Variants in PLD5 observed in about 807,000 individuals in gnomAD.
PLD5 encodes phospholipase D family member 5.
Under a neutral mutation model 61.1 loss-of-function variants are expected in PLD5, and 36 were observed. The observed-to-expected ratio is 0.59, with a 90% CI of 0.45 to 0.78. PLD5 has a LOEUF of 0.78. Among genes scored for constraint, PLD5 ranks in the 30% least tolerant of loss-of-function variants. The pLI is 0.00. For missense variants in PLD5, 515 were observed against 644.4 expected (o/e 0.80, Z 2.17); for synonymous variants, 243 against 242.8 (o/e 1.00, Z -0.01).
intron 1 of PLD5, among the ~76,000 whole-genome samples, chr1:242,476,752 C>T (rs72765051): frequency 0.082 from 12,489 of 152,172 alleles, 721 homozygotes; most frequent in African/African-American, 0.16. Flanking sequence ...CCTTTCTGTT[C>T]TTCTCCCACC....
chr1:242,174,827 C>G (rs1667012853), intron 5 of PLD5, among the ~76,000 whole-genome samples: 1 of 151,964 alleles, frequency 6.6e-6, no homozygotes, highest in African/African-American at 2.4e-5. Flanking sequence ...CATGTTCTCA[C>G]TCATAGGTGG....
chr1:242,236,123 C>T (rs1671624884), intron 4 of PLD5, among the ~76,000 whole-genome samples: 1 of 152,178 alleles, frequency 6.6e-6, no homozygotes. Context: ...CCTTCCACCA[C>T]ACAAGGACAC....
At chr1:242,210,282 T>C (rs1236585672) in intron 5 of PLD5, 1 of 152,200 alleles carries the variant, frequency 6.6e-6, no homozygotes, top group Non-Finnish European at 1.5e-5. Context: ...CTTGCTGACA[T>C]GAGAAAGTTT....
At chr1:242,483,155 G>A (rs1302562955) in intron 1 of PLD5, among the ~76,000 whole-genome samples, 2 of 152,180 alleles carry the variant, frequency 1.3e-5, no homozygotes, top group Non-Finnish European at 2.9e-5. Flanking sequence ...ATCAACTAAC[G>A]AGCAAAACAA....
chr1:242,471,537 T>C (rs1026675533), intron 1 of PLD5, among the ~76,000 whole-genome samples: 16 of 152,088 alleles, frequency 1.1e-4, no homozygotes, highest in Admixed American at 6.6e-5. Context: ...CTTCTATATC[T>C]AGTACTGTAA....
At chr1:242,295,338 C>A (rs770800370) in intron 2 of PLD5, among the ~76,000 whole-genome samples, 9 of 152,126 alleles carry the variant, frequency 5.9e-5, no homozygotes, top group Non-Finnish European at 1.2e-4. Flanking sequence ...ATCCGTATGT[C>A]CTTGCCTTGG....
intron 3 of PLD5, among the ~76,000 whole-genome samples, chr1:242,278,568 C>T (rs1278618688): frequency 2.0e-5 from 3 of 152,138 alleles, no homozygotes; most frequent in Non-Finnish European, 4.4e-5. Context: ...CAAAATCCAC[C>T]GTGTGAGCTC....
chr1:242,124,303 G>A lies in PLD5; in HGVS notation c.933+165C>T. On this transcript the variant is annotated intron_variant, in intron 6 of 9. Transcript: ENST00000536534. ...TGATCAAGATTTATTATATTTGAGGGTATGATTGCGTGTAAGGGTGGACGC... is the reference window on the plus strand; with the variant it reads ...TGATCAAGATTTATTATATTTGAGGATATGATTGCGTGTAAGGGTGGACGC... 3 of 593,960 alleles carry A rather than the reference G, an allele frequency of 5.1e-6. No individual in the cohort carries two copies. In the East Asian group the frequency reaches 8.3e-5, roughly 17 times the overall value. The allele number at this position is 593,960 out of a possible 1,614,324, so 36.8% of individuals were successfully genotyped here. A position where few individuals can be genotyped will look rare whatever the true frequency, so the allele number is the denominator to read the frequency against.
intron 1 of PLD5, among the ~76,000 whole-genome samples, chr1:242,415,911 TTTACA>T (rs1664813007): frequency 2.0e-5 from 1 of 50,418 alleles, no homozygotes; most frequent in Non-Finnish European, 3.3e-5. Flanking sequence ...ATTTGACTTA[TTTACA>T]TTAATTATAA....
At chr1:242,489,270 T>C (rs1214935269) in intron 1 of PLD5, among the ~76,000 whole-genome samples, 1 of 151,690 alleles carries the variant, frequency 6.6e-6, no homozygotes, top group Non-Finnish European at 1.5e-5. Context: ...GATGGAGGCA[T>C]TATATATCTT....
At chr1:242,190,053 G>A (rs886357166) in intron 5 of PLD5, among the ~76,000 whole-genome samples, 7 of 150,668 alleles carry the variant, frequency 4.6e-5, no homozygotes, top group Non-Finnish European at 1.0e-4. Flanking sequence ...AGGCAGCCTC[G>A]GCATCTCCTC....
chr1:242,508,460 T>A (rs182063831), intron 1 of PLD5, among the ~76,000 whole-genome samples: 5 of 152,294 alleles, frequency 3.3e-5, no homozygotes, highest in Non-Finnish European at 7.4e-5. Context: ...AAAGACTCTT[T>A]CAGGGTTGCC....
intron 5 of PLD5, among the ~76,000 whole-genome samples, chr1:242,146,922 C>A (rs184528700): frequency 1.3e-5 from 2 of 152,294 alleles, no homozygotes; most frequent in African/African-American, 4.8e-5. Flanking sequence ...CTAAACAGTT[C>A]ATGTATTCAA....
chr1:242,295,271 A>G (rs1320038591), intron 2 of PLD5, among the ~76,000 whole-genome samples: 2 of 152,114 alleles, frequency 1.3e-5, no homozygotes, highest in Admixed American at 6.5e-5. Context: ...TAGTTTATCA[A>G]TCCGTCCCCC....
At chr1:242,239,206 A>C (rs574642209) in intron 4 of PLD5, among the ~76,000 whole-genome samples, 1 of 152,194 alleles carries the variant, frequency 6.6e-6, no homozygotes, top group Non-Finnish European at 1.5e-5. Flanking sequence ...CATGCTGTAG[A>C]ATCTCTGTGC....
intron 8 of PLD5, among the ~76,000 whole-genome samples, chr1:242,100,994 T>C (rs995404578): frequency 6.6e-6 from 1 of 152,218 alleles, no homozygotes; most frequent in Non-Finnish European, 1.5e-5. Context: ...ACTAGGTATA[T>C]AATTAACACT....
chr1:242,524,016 C>G, intron 1 of PLD5, 72 bp downstream of exon 1: 1 of 1,446,302 alleles, frequency 6.9e-7, no homozygotes, highest in African/African-American at 1.5e-5. Context: ...CGCGCGCGCT[C>G]ATGCCACCAC....
chr1:242,274,626 C>T (rs1485654522), intron 3 of PLD5, among the ~76,000 whole-genome samples: 5 of 152,136 alleles, frequency 3.3e-5, no homozygotes, highest in South Asian at 2.1e-4. Context: ...TGGTGGCGGG[C>T]GCCTGTAGTC....
chr1:242,353,998 GTTT>G (rs534771094), intron 1 of PLD5, among the ~76,000 whole-genome samples: 1 of 145,772 alleles, frequency 6.9e-6, no homozygotes, highest in African/African-American at 2.5e-5. Flanking sequence ...AACTCTAACA[GTTT>G]TTTTTTTTGG....
Sources: gnomAD v4.1 joint callset for allele counts (sites outside exome capture counted in the v4.1 genomes callset) on GRCh38, gnomAD v4.1.1 for gene constraint, MANE v1.5 for transcripts, NCBI Gene and HGNC (gene_info 2026-07-23, HGNC 2026-07-21) for gene names.